FILIP1L: variants seen among roughly 807,000 people sequenced by gnomAD.
FILIP1L encodes filamin A-interacting protein 1-like.
In FILIP1L, 55 loss-of-function variants were observed where a neutral mutation model predicts 96.6. The observed-to-expected ratio is 0.57, with a 90% CI of 0.46 to 0.71. The LOEUF is 0.71. Ranked by LOEUF, FILIP1L falls within the 30% of genes least tolerant of loss-of-function variation. The pLI is 0.00. For missense variants in FILIP1L, 1,304 were observed against 1,321.2 expected, an observed-to-expected ratio of 0.99 and a Z score of 0.20; for synonymous variants, 467 against 473.9, an observed-to-expected ratio of 0.99 and a Z score of 0.19.
intron 1 of FILIP1L, among the ~76,000 whole-genome samples, chr3:100,012,318 T>C (rs1710181043): frequency 6.6e-6 from 1 of 152,152 alleles, no homozygotes; most frequent in Non-Finnish European, 1.5e-5. Context: ...TAAAAATAAT[T>C]TCAGTGCTGT....
At chr3:100,071,990 A>G (rs1445237326) in intron 1 of FILIP1L, among the ~76,000 whole-genome samples, 2 of 152,214 alleles carry the variant, frequency 1.3e-5, no homozygotes, top group African/African-American at 4.8e-5. Flanking sequence ...TCTCATCTGC[A>G]GCAGTTCAGA....
At chr3:99,926,681 T>C (rs1181366653) in intron 3 of FILIP1L, among the ~76,000 whole-genome samples, 1 of 152,256 alleles carries the variant, frequency 6.6e-6, no homozygotes, top group Admixed American at 6.5e-5. Context: ...AAAAGAGGCT[T>C]TTCTAAATCC....
rs1576491703 is a variant in FILIP1L at position 99,828,948 on chromosome 3, C to CTCAATGCTGCCCATCATCCCTT, written c.*1444_*1465dup. Reference sequence around the variant, plus strand: ...CCTCTCAATGCTGCCCATCATCCCTCTCAATGCTGCCCATCATCCCTTTCA... The same window carrying CTCAATGCTGCCCATCATCCCTT: ...CCTCTCAATGCTGCCCATCATCCCTCTCAATGCTGCCCATCATCCCTTTCAATGCTGCCCATCATCCCTTTCA... On this transcript the variant is annotated 3_prime_UTR_variant, in exon 6 of 6. Transcript: ENST00000477258. Among the ~76,000 whole-genome samples, 3 of 151,880 alleles carry CTCAATGCTGCCCATCATCCCTT rather than the reference C, an allele frequency of 2.0e-5. No homozygotes were observed. The highest frequency in any genetic ancestry group is 2.1e-4 in the South Asian group (1 of 4,812).
chr3:99,915,528 G>A (rs1004855179), intron 4 of FILIP1L, among the ~76,000 whole-genome samples: 4 of 151,972 alleles, frequency 2.6e-5, no homozygotes, highest in African/African-American at 4.8e-5. Context: ...TCTTGATTTC[G>A]CATATTTGGA....
intron 1 of FILIP1L, among the ~76,000 whole-genome samples, chr3:99,962,646 A>G (rs1345372084): frequency 6.6e-6 from 1 of 152,230 alleles, no homozygotes; most frequent in East Asian, 1.9e-4. Context: ...AACAGCAACA[A>G]ACACATATAG....
intron 4 of FILIP1L, among the ~76,000 whole-genome samples, chr3:99,858,277 A>G (rs1944072867): frequency 1.3e-5 from 2 of 152,024 alleles, no homozygotes; most frequent in Non-Finnish European, 2.9e-5. Flanking sequence ...CATCCTGGCT[A>G]ACATGGTGAA....
intron 1 of FILIP1L, among the ~76,000 whole-genome samples, chr3:99,975,995 C>T (rs1708958737): frequency 1.3e-5 from 2 of 152,190 alleles, no homozygotes; most frequent in South Asian, 2.1e-4. Flanking sequence ...AGCGATTCTC[C>T]TGCCTCAGCC....
intron 2 of FILIP1L, 149 bp downstream of exon 2, chr3:99,930,617 AGAG>A: frequency 1.3e-6 from 1 of 761,692 alleles, no homozygotes; most frequent in Non-Finnish European, 2.1e-6. Context: ...TTGAGTTGGC[AGAG>A]GAGAATTCTT....
intron 5 of FILIP1L, among the ~76,000 whole-genome samples, chr3:99,838,292 A>G (rs1034447565): frequency 2.2e-4 from 34 of 152,108 alleles, no homozygotes; most frequent in African/African-American, 8.0e-4. Flanking sequence ...TCTCACATTC[A>G]TTATCTCTTG....
intron 1 of FILIP1L, among the ~76,000 whole-genome samples, chr3:99,970,407 G>A (rs1384141423): frequency 6.6e-6 from 1 of 152,222 alleles, no homozygotes; most frequent in Non-Finnish European, 1.5e-5. Context: ...GATAAATGCT[G>A]TAAAGGAAAT....
At chr3:99,876,260 G>T (rs1004091097) in intron 4 of FILIP1L, 203 of 978,890 alleles carry the variant, frequency 2.1e-4, no homozygotes, top group Non-Finnish European at 2.3e-4. Flanking sequence ...CGCTGTCGGC[G>T]GGGGCGCCGG....
intron 1 of FILIP1L, among the ~76,000 whole-genome samples, chr3:99,978,183 CT>C (rs1709023636): frequency 6.6e-6 from 1 of 152,100 alleles, no homozygotes; most frequent in Non-Finnish European, 1.5e-5. Context: ...AAAATGTCAT[CT>C]TCAGGAATTC....
At chr3:100,053,986 A>G (rs1340134348) in intron 1 of FILIP1L, among the ~76,000 whole-genome samples, 2 of 152,230 alleles carry the variant, frequency 1.3e-5, no homozygotes, top group African/African-American at 2.4e-5. Context: ...TGTTCTTTGT[A>G]TATCTGGACA....
intron 1 of FILIP1L, among the ~76,000 whole-genome samples, chr3:99,946,395 G>A (rs1708008907): frequency 6.6e-6 from 1 of 152,244 alleles, no homozygotes; most frequent in Admixed American, 6.5e-5. Flanking sequence ...TAGAAAGGGT[G>A]TGTAAGCAGT....
At chr3:99,910,040 G>T in intron 4 of FILIP1L, among the ~76,000 whole-genome samples, 1 of 98,340 alleles carries the variant, frequency 1.0e-5, no homozygotes, top group Non-Finnish European at 2.6e-5. Flanking sequence ...AACAGTGAAG[G>T]GCTTCAGTGT....
chr3:100,066,970 G>A (rs2065676120), intron 1 of FILIP1L, among the ~76,000 whole-genome samples: 1 of 152,132 alleles, frequency 6.6e-6, no homozygotes, highest in South Asian at 2.1e-4. Flanking sequence ...TTCTTTAGAA[G>A]ACACATAAAA....
At chr3:99,895,615 C>G (rs749293103) in intron 4 of FILIP1L, among the ~76,000 whole-genome samples, 1 of 152,014 alleles carries the variant, frequency 6.6e-6, no homozygotes, top group Non-Finnish European at 1.5e-5. Context: ...GATTGGTTTT[C>G]GTATACCAAA....
intron 1 of FILIP1L, among the ~76,000 whole-genome samples, chr3:100,032,247 A>G (rs1052141251): frequency 1.3e-5 from 2 of 152,206 alleles, no homozygotes; most frequent in African/African-American, 4.8e-5. Flanking sequence ...GAGCAGATGG[A>G]TGCGTTGGCC....
intron 4 of FILIP1L, among the ~76,000 whole-genome samples, chr3:99,894,986 AT>A (rs1444478538): frequency 6.6e-6 from 1 of 152,160 alleles, no homozygotes; most frequent in African/African-American, 2.4e-5. Context: ...CCCACTTTGG[AT>A]TCCAGGTGAA....
Sources: gnomAD v4.1 joint callset for allele counts (sites outside exome capture counted in the v4.1 genomes callset) on GRCh38, gnomAD v4.1.1 for gene constraint, MANE v1.5 for transcripts, NCBI Gene and HGNC (gene_info 2026-07-23, HGNC 2026-07-21) for gene names.